The following GLE1 variants were observed in gnomAD, a reference collection of about 807,000 sequenced individuals.
GLE1 encodes the protein GLE1 RNA export mediator.
A neutral mutation model predicts 97.3 loss-of-function variants in GLE1; 78 were observed. That is an observed-to-expected ratio of 0.80 (90% CI 0.67 to 0.97). The LOEUF (loss-of-function observed/expected upper bound fraction) is 0.97, where lower values mean the gene tolerates loss of function less well. Ranked by LOEUF, GLE1 falls within the 50% of genes least tolerant of loss-of-function variation. The pLI is 0.00. For missense variants in GLE1, 753 were observed against 857.5 expected (o/e 0.88, Z 1.52); for synonymous variants, 302 against 313.4 (o/e 0.96, Z 0.39).
intron 9 of GLE1, among the ~76,000 whole-genome samples, chr9:128,532,038 T>G (rs879044327): frequency 6.3e-5 from 9 of 142,012 alleles, no homozygotes; most frequent in East Asian, 2.0e-4. Context: ...CATGGTTGGC[T>G]TTTTTTTTTT....
chr9:128,520,396 A>ATG (rs575143995), intron 3 of GLE1, among the ~76,000 whole-genome samples: 2 of 148,196 alleles, frequency 1.3e-5, no homozygotes, highest in South Asian at 4.2e-4. Context: ...GTATATATGT[A>ATG]TGTGTGTATA....
At chr9:128,540,214 C>T in intron 14 of GLE1, 61 bp from the exon 15 acceptor site, 17 of 1,129,698 alleles carry the variant, frequency 1.5e-5, no homozygotes, top group Non-Finnish European at 2.3e-5. Flanking sequence ...GAGTGAGACA[C>T]CGTTTCCAAA....
At chr9:128,540,364 C>G (rs1380695209) in intron 15 of GLE1, 26 bp downstream of exon 15, 2 of 1,483,686 alleles carry the variant, frequency 1.3e-6, no homozygotes, top group East Asian at 4.5e-5. Context: ...ACCAACATGC[C>G]CCACACTGTT....
Position 128,523,828 on chromosome 9 carries a change from C to G in GLE1, c.879C>G (p.Ile293Met), listed in dbSNP as rs1414035819. The change falls in exon 6 of 16, where the codon ATC (isoleucine) becomes ATG (methionine). Residue 293 changes from isoleucine (I) to methionine (M), a missense_variant. By Grantham distance (10) the Ile-to-Met change is conservative. Coordinates refer to ENST00000309971, the MANE Select transcript of GLE1 (RefSeq NM_001003722.2). ...GNQLCSLISG[I>M]IRASSESSYP... ...AGCTGTGCAGCCTCATCTCAGGGAT[C>G]ATCCGGGCCTCTTCAGAGGTGAGGG... is the stretch of plus-strand genomic sequence containing the variant. The G allele has an allele frequency of 6.2e-7, 1 of 1,614,042 alleles. No homozygotes were observed. The highest frequency in any genetic ancestry group is 1.1e-5 in the South Asian group (1 of 91,076).
chr9:128,508,603 G>C (rs985415268), intron 1 of GLE1, among the ~76,000 whole-genome samples: 2 of 152,146 alleles, frequency 1.3e-5, no homozygotes, highest in African/African-American at 4.8e-5. Context: ...CAGTGCTTTA[G>C]ATTGCTTTCA....
At chr9:128,536,120 C>A (rs929823077) in intron 11 of GLE1, among the ~76,000 whole-genome samples, 1 of 152,128 alleles carries the variant, frequency 6.6e-6, no homozygotes, top group Non-Finnish European at 1.5e-5. Flanking sequence ...GCAACCTCCA[C>A]CTCCCAGGTT....
At position 128,504,724 on chromosome 9, in the gene GLE1, C is replaced by G; in HGVS notation, c.-82C>G. The G allele has an allele frequency of 1.1e-6, 1 of 942,688 alleles. No individual in the cohort carries two copies. Among genetic ancestry groups the G allele is most frequent in the Non-Finnish European group, 1.7e-6 (1 of 576,978 alleles). 58.4% of individuals were successfully genotyped at this position (942,688 alleles called of 1,614,324 possible). ...TGCGCGCGCGTCCCGGAAGCAGAAG[C>G]CTGTGTGGCCTTCCCGGCGGCTGAT... On this transcript the variant is annotated 5_prime_UTR_variant, in exon 1 of 16. Transcript: ENST00000309971.
At chr9:128,530,903 C>T (rs868778779) in intron 9 of GLE1, among the ~76,000 whole-genome samples, 24 of 123,974 alleles carry the variant, frequency 1.9e-4, no homozygotes, top group African/African-American at 6.9e-4. Flanking sequence ...AGCGAGATTC[C>T]GTCTCAAAAA....
chr9:128,541,237 G>A lies in GLE1; in HGVS notation c.*67G>A. On this transcript the variant is annotated 3_prime_UTR_variant, in exon 16 of 16. Transcript: ENST00000309971. ...AATAATAAAGGAACTGAAGACAGCT[G>A]TATTTGGGAGAAGTCATGTCAGATT... 3 of 907,506 alleles carry A rather than the reference G, an allele frequency of 3.3e-6. No homozygotes were observed. The highest frequency in any genetic ancestry group is 5.6e-6 in the Non-Finnish European group (3 of 534,472). 56.2% of individuals were successfully genotyped at this position (907,506 alleles called of 1,614,324 possible).
intron 9 of GLE1, among the ~76,000 whole-genome samples, chr9:128,533,306 C>T (rs1242606944): frequency 6.6e-6 from 1 of 151,148 alleles, no homozygotes; most frequent in Non-Finnish European, 1.5e-5. Flanking sequence ...TGGCGGGCGT[C>T]TGTGATCCCA....
intron 3 of GLE1, among the ~76,000 whole-genome samples, chr9:128,519,835 C>T (rs1030762291): frequency 6.6e-6 from 1 of 152,150 alleles, no homozygotes; most frequent in African/African-American, 2.4e-5. Flanking sequence ...CAGAACCTAC[C>T]GACATGTGAT....
chr9:128,524,990 C>A (rs1847261425), intron 6 of GLE1, among the ~76,000 whole-genome samples: 1 of 151,970 alleles, frequency 6.6e-6, no homozygotes, highest in Non-Finnish European at 1.5e-5. Context: ...GAATACAGAC[C>A]AATTTATACT....
intron 1 of GLE1, among the ~76,000 whole-genome samples, chr9:128,506,534 C>A (rs1019717730): frequency 6.6e-6 from 1 of 152,154 alleles, no homozygotes; most frequent in African/African-American, 2.4e-5. Flanking sequence ...GTGCAAGTTT[C>A]CCTGTCTTAA....
intron 7 of GLE1, among the ~76,000 whole-genome samples, chr9:128,526,721 G>A (rs973209599): frequency 1.3e-5 from 2 of 151,860 alleles, no homozygotes; most frequent in African/African-American, 4.8e-5. Flanking sequence ...GGCTGGAGGA[G>A]TACAGTGGTA....
intron 15 of GLE1, chr9:128,540,611 T>C (rs1218589473): frequency 2.3e-6 from 1 of 440,442 alleles, no homozygotes; most frequent in Non-Finnish European, 4.1e-6. Context: ...ATATATATTT[T>C]TTTTGCATGT....
At chr9:128,533,477 T>C (rs1258185718) in intron 9 of GLE1, 36 bp from the exon 10 acceptor site, 5 of 1,297,444 alleles carry the variant, frequency 3.9e-6, no homozygotes, top group Non-Finnish European at 5.5e-6. Context: ...GATTGATCTG[T>C]GGTTATATCT....
intron 1 of GLE1, among the ~76,000 whole-genome samples, chr9:128,506,529 A>G (rs1312962777): frequency 6.6e-6 from 1 of 152,122 alleles, no homozygotes; most frequent in African/African-American, 2.4e-5. Context: ...CCCAGGTGCA[A>G]GTTTCCCTGT....
At chr9:128,540,745 A>T (rs1246628687) in intron 15 of GLE1, 1 of 365,120 alleles carries the variant, frequency 2.7e-6, no homozygotes, top group Non-Finnish European at 5.1e-6. Flanking sequence ...AAGAGATTGT[A>T]AAAGGTTAAT....
intron 14 of GLE1, 41 bp from the exon 15 acceptor site, chr9:128,540,234 T>G: frequency 7.6e-7 from 1 of 1,315,886 alleles, no homozygotes; most frequent in Non-Finnish European, 1.1e-6. Flanking sequence ...AAGATAGGTG[T>G]ATATCATAGG....
Sources: gnomAD v4.1 joint callset for allele counts (sites outside exome capture counted in the v4.1 genomes callset) on GRCh38, gnomAD v4.1.1 for gene constraint, MANE v1.5 for transcripts, NCBI Gene and HGNC (gene_info 2026-07-23, HGNC 2026-07-21) for gene names.